The following KLRG1 variants were observed in gnomAD, a reference collection of about 807,000 sequenced individuals.
The protein encoded by KLRG1 is killer cell lectin-like receptor subfamily G member 1.
Under a neutral mutation model 21.8 loss-of-function variants are expected in KLRG1, and 16 were observed. That is an observed-to-expected ratio of 0.73 (90% CI 0.50 to 1.11). The LOEUF is 1.11. KLRG1 is among the 50% of genes most tolerant of loss of function. The pLI, the probability that KLRG1 is intolerant of heterozygous loss-of-function variation, is 0.00. For synonymous variants in KLRG1, 69 were observed against 75.9 expected (o/e 0.91, Z 0.47); for missense variants, 173 against 218.3 (o/e 0.79, Z 1.31).
chr12:9,133,920 G>C, the KLRG1 span, among the ~76,000 whole-genome samples: 1 of 152,328 alleles, frequency 6.6e-6, no homozygotes, highest in East Asian at 1.9e-4. Flanking sequence ...AACATTTAGA[G>C]ATCTGATAAA....
the KLRG1 span, among the ~76,000 whole-genome samples, chr12:9,170,406 G>A: frequency 1.3e-5 from 2 of 152,136 alleles, no homozygotes; most frequent in Admixed American, 6.5e-5. This position sits in a 1 kb window ranked among gnomAD's most constrained non-coding sequence, Gnocchi z 4.6. Flanking sequence ...TACATAATCC[G>A]GCCCTGGGAT....
At chr12:9,079,830 A>C in the KLRG1 span, 1 of 1,562,414 alleles carries the variant, frequency 6.4e-7, no homozygotes, top group Non-Finnish European at 8.7e-7. Context: ...AGAATGGGAG[A>C]GATGGGAAGT....
chr12:9,110,330 G>GTATACT, the KLRG1 span: 1 of 1,440,634 alleles, frequency 6.9e-7, no homozygotes, highest in Non-Finnish European at 9.3e-7. Context: ...GTATACTAGT[G>GTATACT]GAATCTGAAA....
At chr12:9,176,334 TA>T in the KLRG1 span, among the ~76,000 whole-genome samples, 1 of 152,130 alleles carries the variant, frequency 6.6e-6, no homozygotes, top group Non-Finnish European at 1.5e-5. Flanking sequence ...TCAAGAAGAA[TA>T]ACTAATGGAT....
At chr12:9,072,512 GT>G in the KLRG1 span, 1 of 1,604,430 alleles carries the variant, frequency 6.2e-7, no homozygotes, top group Non-Finnish European at 8.5e-7. Context: ...GACAAAATCA[GT>G]TTTTTGCCCT....
At chr12:9,072,566 T>G in the KLRG1 span, 48 of 1,597,644 alleles carry the variant, frequency 3.0e-5, no homozygotes, top group Non-Finnish European at 3.8e-5. Flanking sequence ...TTCTCTGATC[T>G]GTCCCATTGT....
chr12:9,064,517 ACCC>A, the KLRG1 span: 1 of 155,388 alleles, frequency 6.4e-6, no homozygotes, highest in East Asian at 1.9e-4. This position sits in a 1 kb window ranked among gnomAD's most constrained non-coding sequence, Gnocchi z 4.0. Flanking sequence ...ACCGCTCCGG[ACCC>A]TGGCCCTATG....
the KLRG1 span, chr12:9,157,716 C>G: frequency 5.2e-6 from 8 of 1,535,112 alleles, no homozygotes; most frequent in Non-Finnish European, 6.3e-6. Flanking sequence ...GCATTCCAGA[C>G]AGCAAATCTA....
chr12:9,069,593 A>G, the KLRG1 span, among the ~76,000 whole-genome samples: 3 of 152,208 alleles, frequency 2.0e-5, no homozygotes, highest in Non-Finnish European at 4.4e-5. Flanking sequence ...AATATAAATA[A>G]AGGAGAGAAG....
the KLRG1 span, chr12:9,149,107 G>T: frequency 1.1e-6 from 1 of 914,388 alleles, no homozygotes; most frequent in Non-Finnish European, 1.8e-6. Context: ...TGAAAGGCCA[G>T]ATGGTAATTA....
At chr12:9,182,907 T>G in the KLRG1 span, among the ~76,000 whole-genome samples, 1 of 152,206 alleles carries the variant, frequency 6.6e-6, no homozygotes, top group Non-Finnish European at 1.5e-5. Context: ...TTTCCATGTC[T>G]TCCTTTTCTC....
At chr12:9,104,244 C>A in the KLRG1 span, 1 of 1,610,154 alleles carries the variant, frequency 6.2e-7, no homozygotes, top group Admixed American at 1.7e-5. Context: ...CTTACCCTAA[C>A]AGTAAGAGAG....
chr12:9,102,976 A>G, the KLRG1 span, among the ~76,000 whole-genome samples: 3 of 152,144 alleles, frequency 2.0e-5, no homozygotes. Flanking sequence ...TATATATTAA[A>G]TATGTATTGT....
the KLRG1 span, among the ~76,000 whole-genome samples, chr12:9,144,772 C>T: frequency 6.6e-6 from 1 of 152,098 alleles, no homozygotes; most frequent in Non-Finnish European, 1.5e-5. Context: ...TTGGGGCTGA[C>T]ATCTCTCTGG....
the KLRG1 span, chr12:9,169,030 A>G: frequency 2.3e-6 from 3 of 1,303,206 alleles, no homozygotes; most frequent in Non-Finnish European, 3.3e-6. Flanking sequence ...TATATAAAAC[A>G]TATTATCCTT....
chr12:9,046,085 C>T, the KLRG1 span, among the ~76,000 whole-genome samples: 1 of 152,132 alleles, frequency 6.6e-6, no homozygotes, highest in African/African-American at 2.4e-5. Context: ...GGGCTTAATA[C>T]CTAGGTGATG....
chr12:9,098,849 A>G, the KLRG1 span: 6 of 1,415,846 alleles, frequency 4.2e-6, no homozygotes, highest in East Asian at 2.5e-5. Context: ...TGTACAATGT[A>G]TAACCACTCT....
the KLRG1 span, among the ~76,000 whole-genome samples, chr12:9,040,841 C>T: frequency 3.8e-3 from 582 of 152,276 alleles, 6 homozygotes; most frequent in African/African-American, 0.013. Flanking sequence ...GCTTATTAAA[C>T]GGTTCATTGA....
At chr12:9,076,792 C>T in the KLRG1 span, 1 of 1,613,946 alleles carries the variant, frequency 6.2e-7, no homozygotes, top group Admixed American at 1.7e-5. Context: ...GACTTGAGTA[C>T]TTCCTTCCTC....
Sources: allele counts gnomAD v4.1 joint callset (sites outside exome capture counted in the v4.1 genomes callset), GRCh38; gene constraint gnomAD v4.1.1; non-coding constraint Gnocchi (gnomAD v3.1); transcripts MANE v1.5; gene names NCBI Gene and HGNC (gene_info 2026-07-23, HGNC 2026-07-21).